Variants in PTPRD observed in about 807,000 individuals in gnomAD.
PTPRD encodes protein tyrosine phosphatase receptor type D.
Under a neutral mutation model 214.5 loss-of-function variants are expected in PTPRD, and 34 were observed. That is an observed-to-expected ratio of 0.16 (90% CI 0.12 to 0.21). The LOEUF (loss-of-function observed/expected upper bound fraction) is 0.21. Among genes scored for constraint, PTPRD ranks in the 10% least tolerant of loss-of-function variants. The probability of loss-of-function intolerance (pLI) is 1.00; values close to 1 mark genes in which losing one functional copy is unlikely to be tolerated. For synonymous variants in PTPRD, 1,128 were observed against 845.7 expected (o/e 1.33, Z -5.79); for missense variants, 2,545 against 2,398.7 (o/e 1.06, Z -1.27).
intron 8 of PTPRD, among the ~76,000 whole-genome samples, chr9:9,486,947 G>C (rs1225896981): frequency 6.6e-6 from 1 of 152,120 alleles, no homozygotes; most frequent in Non-Finnish European, 1.5e-5. Flanking sequence ...CAAATGGCAA[G>C]TTCTCAAACT....
At chr9:9,080,744 G>C (rs2099757787) in intron 10 of PTPRD, among the ~76,000 whole-genome samples, 1 of 152,018 alleles carries the variant, frequency 6.6e-6, no homozygotes, top group African/African-American at 2.4e-5. Flanking sequence ...ATGTGTTCAG[G>C]AATTTATCCA....
intron 11 of PTPRD, among the ~76,000 whole-genome samples, chr9:8,774,189 C>A (rs551490663): frequency 6.6e-6 from 1 of 152,262 alleles, no homozygotes; most frequent in East Asian, 1.9e-4. Context: ...ATAAATATAT[C>A]TTAACTGGGA....
At chr9:9,801,771 T>G (rs1231572348) in intron 5 of PTPRD, among the ~76,000 whole-genome samples, 1 of 152,102 alleles carries the variant, frequency 6.6e-6, no homozygotes, top group Non-Finnish European at 1.5e-5. Flanking sequence ...ACTAATTAAC[T>G]GCCTCTTAAG....
intron 3 of PTPRD, among the ~76,000 whole-genome samples, chr9:10,127,816 T>C (rs1373567599): frequency 6.6e-6 from 1 of 152,140 alleles, no homozygotes; most frequent in Non-Finnish European, 1.5e-5. Flanking sequence ...AACATATTTC[T>C]CTAGATCAGT....
At chr9:10,510,825 C>G (rs192401042) in intron 2 of PTPRD, among the ~76,000 whole-genome samples, 43 of 152,134 alleles carry the variant, frequency 2.8e-4, no homozygotes, top group African/African-American at 1.0e-3. Flanking sequence ...ATTTTTGTAC[C>G]TATTAACCAA....
At chr9:8,383,911 G>A (rs763205264) in intron 37 of PTPRD, among the ~76,000 whole-genome samples, 1 of 152,140 alleles carries the variant, frequency 6.6e-6, no homozygotes, top group Non-Finnish European at 1.5e-5. Flanking sequence ...CCTTTCAACT[G>A]CTAATACTAA....
chr9:9,523,697 G>A (rs898142812), intron 8 of PTPRD, among the ~76,000 whole-genome samples: 2 of 152,080 alleles, frequency 1.3e-5, no homozygotes, highest in African/African-American at 2.4e-5. Flanking sequence ...ACTCTTGACC[G>A]CTCCTTCCTT....
chr9:9,447,684 T>C (rs922166409), intron 8 of PTPRD, among the ~76,000 whole-genome samples: 2 of 152,128 alleles, frequency 1.3e-5, no homozygotes, highest in East Asian at 3.9e-4. Context: ...AAAAATTTAG[T>C]TCTCAAGGGA....
At chr9:9,408,247 G>T (rs2074224102) in intron 8 of PTPRD, among the ~76,000 whole-genome samples, 1 of 151,700 alleles carries the variant, frequency 6.6e-6, no homozygotes, top group African/African-American at 2.4e-5. Context: ...TGCAAATTGG[G>T]TATCACTTCT....
chr9:10,470,131 C>T (rs2099020899), intron 2 of PTPRD, among the ~76,000 whole-genome samples: 1 of 151,972 alleles, frequency 6.6e-6, no homozygotes, highest in Non-Finnish European at 1.5e-5. Context: ...ATAGTCCCAA[C>T]ACAAACAAAT....
intron 14 of PTPRD, among the ~76,000 whole-genome samples, chr9:8,612,658 G>C (rs2095490835): frequency 6.6e-6 from 1 of 152,308 alleles, no homozygotes; most frequent in East Asian, 1.9e-4. Flanking sequence ...CGGTACTATT[G>C]ACTGAAATAA....
chr9:10,437,296 C>T (rs1488000725), intron 2 of PTPRD, among the ~76,000 whole-genome samples: 1 of 151,788 alleles, frequency 6.6e-6, no homozygotes, highest in Admixed American at 6.6e-5. Context: ...AAAAATGTTA[C>T]ATACATTAAA....
intron 4 of PTPRD, among the ~76,000 whole-genome samples, chr9:9,965,856 C>A (rs1428784331): frequency 6.6e-6 from 1 of 152,152 alleles, no homozygotes; most frequent in East Asian, 1.9e-4. Context: ...AGTAGGTGTA[C>A]AATGAACACT....
chr9:10,204,865 G>A (rs575708028), intron 3 of PTPRD, among the ~76,000 whole-genome samples: 25 of 152,168 alleles, frequency 1.6e-4, no homozygotes, highest in African/African-American at 6.0e-4. Context: ...ATACATCCAG[G>A]TACACAACAA....
intron 7 of PTPRD, among the ~76,000 whole-genome samples, chr9:9,621,487 A>C (rs16929919): frequency 6.6e-6 from 1 of 151,998 alleles, no homozygotes; most frequent in Non-Finnish European, 1.5e-5. Flanking sequence ...CAGACTCTGG[A>C]ATAAATTATT....
At chr9:9,139,099 TC>T (rs1031808340) in intron 10 of PTPRD, among the ~76,000 whole-genome samples, 2 of 134,386 alleles carry the variant, frequency 1.5e-5, no homozygotes, top group East Asian at 2.4e-4. Flanking sequence ...GGAGCCCCCC[TC>T]CCCCCCGCCC....
intron 12 of PTPRD, among the ~76,000 whole-genome samples, chr9:8,684,815 TCA>T (rs747616359): frequency 1.2e-4 from 18 of 152,138 alleles, no homozygotes; most frequent in Non-Finnish European, 2.6e-4. Flanking sequence ...ATAATTATAT[TCA>T]TTTACTTCCC....
chr9:8,416,205 T>A (rs966555158), intron 35 of PTPRD, among the ~76,000 whole-genome samples: 1 of 152,132 alleles, frequency 6.6e-6, no homozygotes, highest in Admixed American at 6.6e-5. Context: ...ATGCATCTAG[T>A]GACGTGGAAA....
intron 3 of PTPRD, among the ~76,000 whole-genome samples, chr9:10,123,496 G>C (rs1490654864): frequency 6.6e-6 from 1 of 152,134 alleles, no homozygotes; most frequent in African/African-American, 2.4e-5. Flanking sequence ...GTTGACCCTA[G>C]ATTTTCTAAA....
Sources: allele counts gnomAD v4.1 joint callset (sites outside exome capture counted in the v4.1 genomes callset), GRCh38; gene constraint gnomAD v4.1.1; transcripts MANE v1.5; gene names NCBI Gene and HGNC (gene_info 2026-07-23, HGNC 2026-07-21).